ARHGAP10: variants seen among roughly 807,000 people sequenced by gnomAD.
The protein encoded by ARHGAP10 is Rho GTPase activating protein 10, also known as rho GTPase-activating protein 10.
A neutral mutation model predicts 108.6 loss-of-function variants in ARHGAP10; 87 were observed. The observed-to-expected ratio is 0.80, with a 90% CI of 0.67 to 0.96. ARHGAP10 has a LOEUF of 0.96. ARHGAP10 is among the 40% of genes least tolerant of loss of function. The pLI is 0.00. For synonymous variants in ARHGAP10, 347 were observed against 341.1 expected, an observed-to-expected ratio of 1.02 and a Z score of -0.19; for missense variants, 939 against 954.5, an observed-to-expected ratio of 0.98 and a Z score of 0.21.
At chr4:147,876,456 A>G (rs916259332) in intron 8 of ARHGAP10, among the ~76,000 whole-genome samples, 32 of 151,924 alleles carry the variant, frequency 2.1e-4, no homozygotes, top group Non-Finnish European at 1.3e-4. Context: ...AGCAGGGCGT[A>G]GTGGCGGGCA....
At chr4:147,976,844 A>G (rs1578751608) in intron 18 of ARHGAP10, among the ~76,000 whole-genome samples, 2 of 152,214 alleles carry the variant, frequency 1.3e-5, no homozygotes, top group African/African-American at 4.8e-5. Context: ...TAGACAAAGC[A>G]CTGGGGAAAA....
chr4:147,869,614 C>T (rs758324201), intron 7 of ARHGAP10, among the ~76,000 whole-genome samples: 28 of 151,394 alleles, frequency 1.8e-4, no homozygotes, highest in Non-Finnish European at 3.4e-4. Flanking sequence ...TATTCTCTGT[C>T]ACTTAAGGAT....
chr4:147,784,799 T>TA (rs1560756863), intron 1 of ARHGAP10, among the ~76,000 whole-genome samples: 1 of 22,268 alleles, frequency 4.5e-5, no homozygotes, highest in African/African-American at 6.4e-5. Context: ...ATATATATTA[T>TA]AAATATAATA....
At chr4:147,945,984 A>G (rs769254119) in intron 14 of ARHGAP10, among the ~76,000 whole-genome samples, 7 of 152,192 alleles carry the variant, frequency 4.6e-5, no homozygotes, top group Non-Finnish European at 8.8e-5. Flanking sequence ...GGGAATTCCC[A>G]GTAGCTCCAC....
intron 1 of ARHGAP10, among the ~76,000 whole-genome samples, chr4:147,777,939 G>T (rs1429919778): frequency 6.6e-6 from 1 of 152,176 alleles, no homozygotes; most frequent in East Asian, 1.9e-4. Context: ...TGCTAGAAAG[G>T]CACGTTGCAG....
intron 1 of ARHGAP10, among the ~76,000 whole-genome samples, chr4:147,770,598 G>T (rs1194995656): frequency 1.3e-5 from 2 of 152,040 alleles, no homozygotes; most frequent in Non-Finnish European, 1.5e-5. Context: ...ATAGTCATGT[G>T]GTGTTATGAA....
intron 3 of ARHGAP10, among the ~76,000 whole-genome samples, chr4:147,833,370 A>G (rs987617651): frequency 1.3e-4 from 20 of 152,214 alleles, no homozygotes; most frequent in African/African-American, 4.8e-4. Flanking sequence ...TCCTGCCACC[A>G]TGTAAGACGT....
intron 3 of ARHGAP10, among the ~76,000 whole-genome samples, chr4:147,835,804 C>CA (rs1733148378): frequency 6.6e-6 from 1 of 152,192 alleles, no homozygotes; most frequent in Non-Finnish European, 1.5e-5. Flanking sequence ...AAAAAAAATT[C>CA]AAAATTGCCT....
intron 18 of ARHGAP10, among the ~76,000 whole-genome samples, chr4:148,019,392 C>G (rs145586405): frequency 6.6e-6 from 1 of 152,168 alleles, no homozygotes; most frequent in Admixed American, 6.5e-5. Flanking sequence ...CACTTAATCC[C>G]TGTAGTACAG....
At chr4:147,936,575 C>T (rs554591869) in intron 13 of ARHGAP10, among the ~76,000 whole-genome samples, 3 of 151,772 alleles carry the variant, frequency 2.0e-5, no homozygotes, top group South Asian at 2.1e-4. Context: ...ATGATCCACC[C>T]GCCTCGGCCT....
rs548451526 is a variant in ARHGAP10, at chr4:147,991,158, A to T, written c.1716+24319A>T. Among the ~76,000 whole-genome samples, 35 of 151,918 alleles carry T rather than the reference A, an allele frequency of 2.3e-4. 1 individual carries two copies. The highest frequency in any genetic ancestry group is 3.3e-4 in the Admixed American group (5 of 15,274). ...TACCCCTGAACCTAAAAAAAAAAAA[A>T]AATAAATAAAAGAAAACAAATAGAA... On this transcript the variant is annotated intron_variant, in intron 18 of 22. Coordinates refer to ENST00000336498, the MANE Select transcript of ARHGAP10 (RefSeq NM_024605.4).
rs570871136 is a variant in ARHGAP10, at chr4:147,747,592, G to A, written c.154+15137G>A. 2.6e-5 allele frequency among the ~76,000 whole-genome samples: 4 copies of A among 152,320 alleles called. No homozygotes were observed. In the South Asian group the frequency reaches 8.3e-4, roughly 32 times the overall value. On this transcript the variant is annotated intron_variant, in intron 1 of 22. Coordinates refer to ENST00000336498, the MANE Select transcript of ARHGAP10 (RefSeq NM_024605.4). ...GAGACCTTCAGATGCTTCAGAGGGAGGATATGAGTGGAGAAGTTCTTTGCA... is the reference window on the plus strand; with the variant it reads ...GAGACCTTCAGATGCTTCAGAGGGAAGATATGAGTGGAGAAGTTCTTTGCA...
At chr4:147,838,499 A>C (rs976980723) in intron 3 of ARHGAP10, among the ~76,000 whole-genome samples, 2 of 149,784 alleles carry the variant, frequency 1.3e-5, no homozygotes, top group Admixed American at 6.7e-5. Flanking sequence ...ACACACACAC[A>C]CCAAAGACTT....
At position 148,051,679 on chromosome 4, in the gene ARHGAP10, T is replaced by G. The variant is rs79147860; in HGVS notation, c.2027+4628T>G. Among the ~76,000 whole-genome samples the G allele has an allele frequency of 9.2e-3, 1,404 of 152,300 alleles. 26 individuals are homozygous for G. Among genetic ancestry groups the G allele is most frequent in the African/African-American group, 0.031 (1,303 of 41,558 alleles). On this transcript the variant is annotated intron_variant, in intron 20 of 22. Coordinates refer to ENST00000336498, the MANE Select transcript of ARHGAP10 (RefSeq NM_024605.4). ...TCTCCCACCCACTGAGAGGCTTGGC[T>G]TTGTTTATCCTGAATGTTGATATCT...
chr4:147,805,363 G>A (rs781060783), intron 1 of ARHGAP10, among the ~76,000 whole-genome samples: 14 of 152,062 alleles, frequency 9.2e-5, no homozygotes, highest in Admixed American at 7.2e-4. Flanking sequence ...ATGCTGTTTC[G>A]GTTACTGTAG....
At chr4:147,927,934 T>TAA (rs1737527271) in intron 13 of ARHGAP10, among the ~76,000 whole-genome samples, 2 of 152,208 alleles carry the variant, frequency 1.3e-5, no homozygotes, top group Non-Finnish European at 2.9e-5. Flanking sequence ...AACTCCCTGT[T>TAA]ACTCCGTCGC....
chr4:147,732,540 T>C, intron 1 of ARHGAP10, 85 bp downstream of exon 1: 1 of 1,554,834 alleles, frequency 6.4e-7, no homozygotes, highest in South Asian at 1.2e-5. Context: ...GAGGGTCTTG[T>C]GTCCGGGGCC....
intron 4 of ARHGAP10, among the ~76,000 whole-genome samples, chr4:147,856,243 G>A (rs1184478741): frequency 6.6e-6 from 1 of 152,220 alleles, no homozygotes; most frequent in East Asian, 1.9e-4. Context: ...AGGAATGCAA[G>A]TATGTCCTAA....
rs541526951 is a variant in ARHGAP10, at chr4:148,072,599, G to A, written c.*518G>A. On this transcript the variant is annotated 3_prime_UTR_variant, in exon 23 of 23. Transcript: ENST00000336498. Reference sequence around the variant, plus strand: ...TCAAGTCAGAGGGAAGCAGAGACGCGCGTCTCAAGCCTGCCCTTCCTAGAC... The same window carrying A: ...TCAAGTCAGAGGGAAGCAGAGACGCACGTCTCAAGCCTGCCCTTCCTAGAC... 18 of 152,590 alleles carry A rather than the reference G, an allele frequency of 1.2e-4. No homozygotes were observed. Among genetic ancestry groups the A allele is most frequent in the Non-Finnish European group, 1.6e-4 (11 of 68,308 alleles). The allele number at this position is 152,590 out of a possible 1,614,324, so 9.5% of individuals were successfully genotyped here. A position where few individuals can be genotyped will look rare whatever the true frequency, so the allele number is the denominator to read the frequency against.
Sources: allele counts gnomAD v4.1 joint callset (sites outside exome capture counted in the v4.1 genomes callset), GRCh38; gene constraint gnomAD v4.1.1; transcripts MANE v1.5; gene names NCBI Gene and HGNC (gene_info 2026-07-23, HGNC 2026-07-21).